STRADA: variants seen among roughly 807,000 people sequenced by gnomAD.
The protein encoded by STRADA is STE20 related adaptor alpha, also known as STE20-related kinase adapter protein alpha.
Under a neutral mutation model 55.0 loss-of-function variants are expected in STRADA, and 26 were observed. The ratio of observed to expected loss-of-function variants is 0.47; its 90% CI spans 0.35 to 0.66. STRADA has a LOEUF of 0.66. Ranked by LOEUF, STRADA falls within the 30% of genes least tolerant of loss-of-function variation. The pLI, the probability that STRADA is intolerant of heterozygous loss-of-function variation, is 0.01. For missense variants in STRADA, 443 were observed against 549.7 expected (o/e 0.81, Z 1.94); for synonymous variants, 197 against 210.9 (o/e 0.93, Z 0.57).
chr17:63,711,420 G>A (rs957298055), intron 6 of STRADA, among the ~76,000 whole-genome samples: 1 of 152,046 alleles, frequency 6.6e-6, no homozygotes, highest in African/African-American at 2.4e-5. Flanking sequence ...GTGTGATCCC[G>A]TCTCACTGCA....
chr17:63,714,911 C>T (rs540318163), intron 4 of STRADA, among the ~76,000 whole-genome samples: 5 of 152,352 alleles, frequency 3.3e-5, no homozygotes, highest in South Asian at 2.1e-4. Flanking sequence ...CCTTCTTCCA[C>T]ACCTAAATTT....
rs55923158 is a variant in STRADA, at chr17:63,714,043, C to T, written c.189G>A (p.Leu63=). ...FSKQEVMSSF[L]PEGGCYELLT... ...GCAGCTCGTAACACCCTCCCTCTGG[C>T]AGAAAGCTACTCATGACCTCCTGTT... The change falls in exon 5 of 13, where the codon CTG becomes CTA. Residue 63 remains leucine, a synonymous_variant. Coordinates refer to ENST00000336174, the MANE Select transcript of STRADA (RefSeq NM_001003787.4). The T allele has an allele frequency of 6.8e-6, 11 of 1,613,636 alleles. No individual in the cohort carries two copies. Among genetic ancestry groups the T allele is most frequent in the Non-Finnish European group, 8.5e-6 (10 of 1,179,818 alleles).
chr17:63,704,732 C>A, intron 10 of STRADA, 150 bp from the exon 11 acceptor site: 1 of 1,519,156 alleles, frequency 6.6e-7, no homozygotes, highest in South Asian at 1.2e-5. Context: ...GGAGTAAGTC[C>A]AATTTTCCCA....
chr17:63,731,093 G>A (rs1014261911), intron 1 of STRADA, among the ~76,000 whole-genome samples: 15 of 151,714 alleles, frequency 9.9e-5, no homozygotes, highest in East Asian at 5.8e-4. Flanking sequence ...ACAGGCGTGC[G>A]CCACCACACC....
In STRADA at chr17:63,710,848, G is replaced by C. The variant is rs1341996399; in HGVS notation, c.349-12C>G. ...ACATGCAGCTCGCCCTGGAAGCAATGATGAAGCTGAAGTCAGAACCAAATG... is the reference window on the plus strand; with the variant it reads ...ACATGCAGCTCGCCCTGGAAGCAATCATGAAGCTGAAGTCAGAACCAAATG... On this transcript the variant is annotated splice_polypyrimidine_tract_variant and intron_variant, in intron 6 of 12. Transcript: ENST00000336174. 2.5e-6 allele frequency: 4 copies of C among 1,613,042 alleles called. No individual in the cohort carries two copies. The highest frequency in any genetic ancestry group is 3.3e-5 in the Admixed American group (2 of 59,992).
intron 11 of STRADA, 89 bp from the exon 12 acceptor site, chr17:63,704,136 C>A (rs1013012780): frequency 3.5e-5 from 54 of 1,547,096 alleles, no homozygotes; most frequent in Non-Finnish European, 4.3e-5. Context: ...GCCTCGGGTC[C>A]CCTCTCCCTC....
intron 4 of STRADA, chr17:63,714,674 C>T: frequency 5.5e-6 from 1 of 180,216 alleles, no homozygotes; most frequent in Non-Finnish European, 1.2e-5. Context: ...CCCTGAGCTG[C>T]AGGCAAGGCA....
intron 6 of STRADA, among the ~76,000 whole-genome samples, chr17:63,711,414 G>A (rs2036489301): frequency 6.6e-6 from 1 of 152,114 alleles, no homozygotes. Context: ...GCAGTGGTGT[G>A]ATCCCGTCTC....
intron 1 of STRADA, among the ~76,000 whole-genome samples, chr17:63,729,208 T>C (rs189379014): frequency 1.9e-4 from 29 of 152,280 alleles, no homozygotes; most frequent in African/African-American, 6.7e-4. Context: ...ATAATTATTC[T>C]TAAACAATGT....
In STRADA at chr17:63,707,350, T is replaced by C. The variant is rs751638115; in HGVS notation, c.650A>G (p.Asn217Ser). The change falls in exon 9 of 13, where the codon AAC (asparagine) becomes AGC (serine). Residue 217 changes from asparagine (N) to serine (S), a missense_variant. By Grantham distance (46) the Asn-to-Ser change is conservative. Transcript: ENST00000336174. ...GKVYLSGLRS[N>S]LSMISHGQRQ... ...CTGCCCATGGCTTATCATGCTGAGG[T>C]TGCTGCGCAAACCAGACAGGTAGAC... is the stretch of plus-strand genomic sequence containing the variant. 1 of 1,613,982 alleles carries C rather than the reference T, an allele frequency of 6.2e-7. No homozygotes were observed. The highest frequency in any genetic ancestry group is 8.5e-7 in the Non-Finnish European group (1 of 1,179,990).
chr17:63,717,581 AG>A (rs962599329), intron 4 of STRADA, among the ~76,000 whole-genome samples: 13 of 152,136 alleles, frequency 8.5e-5, no homozygotes, highest in African/African-American at 3.1e-4. Context: ...CCTGGGTTCA[AG>A]TGATTCTCCT....
chr17:63,735,296 T>A (rs1051616145), intron 1 of STRADA, among the ~76,000 whole-genome samples: 1 of 152,230 alleles, frequency 6.6e-6, no homozygotes, highest in African/African-American at 2.4e-5. Flanking sequence ...CAATATGGCG[T>A]AGTAAAAAAA....
chr17:63,737,732 G>C (rs1228126655), intron 1 of STRADA, among the ~76,000 whole-genome samples: 1 of 152,190 alleles, frequency 6.6e-6, no homozygotes, highest in Non-Finnish European at 1.5e-5. Context: ...GGTGCTGGTT[G>C]GGTACAGTGG....
At chr17:63,737,362 A>C (rs904066538) in intron 1 of STRADA, 6 of 150,956 alleles carry the variant, frequency 4.0e-5, no homozygotes, top group Non-Finnish European at 5.9e-5. Flanking sequence ...CGCAGTGCAG[A>C]ATAACACTTG....
chr17:63,737,820 C>G (rs890237120), intron 1 of STRADA, among the ~76,000 whole-genome samples: 3 of 151,632 alleles, frequency 2.0e-5, no homozygotes, highest in Admixed American at 6.6e-5. Flanking sequence ...AACCCCAACT[C>G]TATAAAAAAT....
intron 1 of STRADA, among the ~76,000 whole-genome samples, chr17:63,737,066 T>C (rs1457746541): frequency 6.6e-6 from 1 of 151,468 alleles, no homozygotes; most frequent in Non-Finnish European, 1.5e-5. Context: ...CTAGTCAACA[T>C]GGTGAAACCC....
intron 1 of STRADA, among the ~76,000 whole-genome samples, chr17:63,732,093 C>G (rs1370973230): frequency 6.6e-6 from 1 of 152,118 alleles, no homozygotes; most frequent in Non-Finnish European, 1.5e-5. Flanking sequence ...TGGTCTCGAT[C>G]TCCTGACCTT....
chr17:63,729,745 C>T (rs1427142119), intron 1 of STRADA, among the ~76,000 whole-genome samples: 2 of 151,414 alleles, frequency 1.3e-5, no homozygotes, highest in Non-Finnish European at 2.9e-5. Context: ...GCCAAGGTCG[C>T]GCCACTGCAC....
intron 3 of STRADA, among the ~76,000 whole-genome samples, chr17:63,724,446 CTTT>C (rs200012223): frequency 7.1e-6 from 1 of 140,278 alleles, no homozygotes. Flanking sequence ...CCTGGCCTAC[CTTT>C]TTTTTTTTTT....
Sources: gnomAD v4.1 joint callset for allele counts (sites outside exome capture counted in the v4.1 genomes callset) on GRCh38, gnomAD v4.1.1 for gene constraint, MANE v1.5 for transcripts, NCBI Gene and HGNC (gene_info 2026-07-23, HGNC 2026-07-21) for gene names.